Variants in CEP128 observed in about 807,000 individuals in gnomAD.
CEP128 encodes centrosomal protein 128kDa.
A neutral mutation model predicts 156.7 loss-of-function variants in CEP128; 132 were observed. That is an observed-to-expected ratio of 0.84 (90% CI 0.73 to 0.97). The LOEUF (loss-of-function observed/expected upper bound fraction) is 0.97, where lower values mean the gene tolerates loss of function less well. Among genes scored for constraint, CEP128 ranks in the 50% least tolerant of loss-of-function variants. The pLI, the probability that CEP128 is intolerant of heterozygous loss-of-function variation, is 0.00. For missense variants in CEP128, 1,252 were observed against 1,281.9 expected (o/e 0.98, Z 0.36); for synonymous variants, 469 against 448.9 (o/e 1.04, Z -0.57).
chr14:80,885,002 C>T (rs926775419), intron 8 of CEP128, among the ~76,000 whole-genome samples: 1 of 152,112 alleles, frequency 6.6e-6, no homozygotes, highest in African/African-American at 2.4e-5. Context: ...GCAGTTTTCC[C>T]CTCATAGTGT....
chr14:80,480,083 G>A (rs1376006591), intron 14 of CEP128, among the ~76,000 whole-genome samples: 1 of 152,164 alleles, frequency 6.6e-6, no homozygotes, highest in Non-Finnish European at 1.5e-5. Context: ...TTGAGTGTCT[G>A]TGGCTTTTCC....
intron 8 of CEP128, among the ~76,000 whole-genome samples, chr14:80,870,617 A>G (rs1019646587): frequency 6.6e-6 from 1 of 152,144 alleles, no homozygotes; most frequent in Non-Finnish European, 1.5e-5. Context: ...AAGGCCATAT[A>G]CAACAAGCCA....
chr14:80,574,474 G>T (rs951148615), intron 20 of CEP128, among the ~76,000 whole-genome samples: 1 of 152,150 alleles, frequency 6.6e-6, no homozygotes, highest in Non-Finnish European at 1.5e-5. Flanking sequence ...CTTACCAGGA[G>T]GATTAGCCAT....
intron 19 of CEP128, among the ~76,000 whole-genome samples, chr14:80,728,956 C>A (rs1316739132): frequency 6.6e-6 from 1 of 152,062 alleles, no homozygotes; most frequent in Admixed American, 6.6e-5. Context: ...TCACGCTGAG[C>A]CCTTTTGGTT....
chr14:80,702,180 G>T (rs1202957018), intron 19 of CEP128, among the ~76,000 whole-genome samples: 1 of 152,106 alleles, frequency 6.6e-6, no homozygotes, highest in Non-Finnish European at 1.5e-5. Context: ...CACAGCTACA[G>T]GGATTTTTGT....
intron 19 of CEP128, among the ~76,000 whole-genome samples, chr14:80,715,533 AG>A (rs1211264466): frequency 6.6e-6 from 1 of 152,172 alleles, no homozygotes; most frequent in Non-Finnish European, 1.5e-5. Flanking sequence ...AGCAAGTTCA[AG>A]TTATTGAAGA....
intron 19 of CEP128, among the ~76,000 whole-genome samples, chr14:80,604,402 G>A (rs889167913): frequency 6.6e-6 from 1 of 152,156 alleles, no homozygotes; most frequent in Non-Finnish European, 1.5e-5. Context: ...AGAATGAAAT[G>A]TGGCTAGTGT....
downstream of CEP128, among the ~76,000 whole-genome samples, chr14:80,489,054 C>T (rs1475144605): frequency 6.6e-6 from 1 of 151,378 alleles, no homozygotes; most frequent in Non-Finnish European, 1.5e-5. Context: ...TTAATGGGTG[C>T]AGCACACCAA....
chr14:80,691,072 C>T (rs1272720273), intron 19 of CEP128, among the ~76,000 whole-genome samples: 1 of 152,150 alleles, frequency 6.6e-6, no homozygotes, highest in Non-Finnish European at 1.5e-5. Flanking sequence ...TCAATTAGCA[C>T]ATGCATTGTA....
intron 9 of CEP128, among the ~76,000 whole-genome samples, chr14:80,854,495 G>A (rs1257387443): frequency 6.6e-6 from 1 of 152,048 alleles, no homozygotes; most frequent in African/African-American, 2.4e-5. Context: ...GTAATTAAAA[G>A]CAAACAGAAA....
chr14:80,481,419 C>A (rs1233932437), intron 14 of CEP128, among the ~76,000 whole-genome samples: 3 of 152,188 alleles, frequency 2.0e-5, no homozygotes, highest in Non-Finnish European at 4.4e-5. Context: ...CAACATGTGG[C>A]AGTTCTCAGA....
rs535871298 is a variant in CEP128 at position 80,560,150 on chromosome 14, G to A, written c.2857-848C>T. ...TATTTTAAGAACTGGAGGAGGTCAG[G>A]TGCAATGCCTCACACCTGTAATCCC... On this transcript the variant is annotated intron_variant, in intron 20 of 24. Coordinates refer to ENST00000555265, the MANE Select transcript of CEP128 (RefSeq NM_152446.5). Among the ~76,000 whole-genome samples, 8 of 152,308 alleles carry A rather than the reference G, an allele frequency of 5.3e-5. No homozygotes were observed. In the South Asian group the frequency reaches 1.4e-3, roughly 28 times the overall value.
intron 19 of CEP128, among the ~76,000 whole-genome samples, chr14:80,641,560 T>C (rs529720809): frequency 2.0e-4 from 30 of 152,286 alleles, no homozygotes; most frequent in Admixed American, 5.2e-4. Context: ...TGGTAGAAAG[T>C]ATGCACAGAA....
At chr14:80,877,585 A>G (rs1452503936) in intron 8 of CEP128, among the ~76,000 whole-genome samples, 3 of 152,220 alleles carry the variant, frequency 2.0e-5, no homozygotes, top group African/African-American at 7.2e-5. Flanking sequence ...ACTACAGGAG[A>G]GCAATGAGAA....
At position 80,559,292 on chromosome 14, in the gene CEP128, A is replaced by G. The variant is rs1473526734; in HGVS notation, c.2867T>C (p.Ile956Thr). ...EEMGSLQDRV[I>T]ALETSTQVAL... ...GCCCCAACTTACCGTTTCTAATGCA[A>G]TTACACGGTCCTGCAAAGAAAGCAT... The change falls in exon 21 of 25, where the codon ATT becomes ACT. Residue 956 changes from isoleucine to threonine, a missense_variant. Ile to Thr is a moderately conservative substitution (Grantham distance 89, BLOSUM62 -1). Coordinates refer to ENST00000555265, the MANE Select transcript of CEP128 (RefSeq NM_152446.5). 6.2e-7 allele frequency: 1 copy of G among 1,604,302 alleles called. No homozygotes were observed. Among genetic ancestry groups the G allele is most frequent in the Non-Finnish European group, 8.5e-7 (1 of 1,176,204 alleles).
chr14:80,724,250 T>C (rs1897929908), intron 19 of CEP128, among the ~76,000 whole-genome samples: 1 of 152,250 alleles, frequency 6.6e-6, no homozygotes, highest in African/African-American at 2.4e-5. Flanking sequence ...TTTGGAATGC[T>C]GAAGAATAAT....
intron 9 of CEP128, among the ~76,000 whole-genome samples, chr14:80,855,515 T>C (rs1470605418): frequency 6.6e-6 from 1 of 151,908 alleles, no homozygotes; most frequent in Non-Finnish European, 1.5e-5. Flanking sequence ...TATGAATAAC[T>C]ATGCAAAATA....
downstream of CEP128, among the ~76,000 whole-genome samples, chr14:80,485,766 C>A (rs1346845427): frequency 1.3e-5 from 2 of 152,130 alleles, no homozygotes. Context: ...AGTGGAAGGC[C>A]ACTAGTGCTG....
intron 14 of CEP128, among the ~76,000 whole-genome samples, chr14:80,789,871 G>A (rs1350351761): frequency 6.7e-6 from 1 of 149,468 alleles, no homozygotes; most frequent in South Asian, 2.1e-4. Flanking sequence ...TGTTTTTTTT[G>A]TTGTTGTTTT....
Sources: gnomAD v4.1 joint callset for allele counts (sites outside exome capture counted in the v4.1 genomes callset) on GRCh38, gnomAD v4.1.1 for gene constraint, MANE v1.5 for transcripts, NCBI Gene and HGNC (gene_info 2026-07-23, HGNC 2026-07-21) for gene names.